GIGYF2: variants seen among roughly 807,000 people sequenced by gnomAD.
GIGYF2 encodes GRB10-interacting GYF protein 2.
Under a neutral mutation model 208.1 loss-of-function variants are expected in GIGYF2, and 25 were observed. The observed-to-expected ratio is 0.12, with a 90% confidence interval of 0.09 to 0.17. The LOEUF (loss-of-function observed/expected upper bound fraction) is 0.17, where lower values mean the gene tolerates loss of function less well. Ranked by LOEUF, GIGYF2 falls within the 10% of genes least tolerant of loss-of-function variation. The pLI is 1.00. For synonymous variants in GIGYF2, 534 were observed against 543.8 expected, an observed-to-expected ratio of 0.98 and a Z score of 0.25; for missense variants, 1,302 against 1,579.4, an observed-to-expected ratio of 0.82 and a Z score of 2.98.
rs1395026792 is a variant in GIGYF2 at position 232,716,448 on chromosome 2, G to C, written c.-44+12959G>C. ...GGCTGGAGTGTAGTGGCACGATCTCGGCTCACTGCAACTTCCACCTCCCGC... is the reference window on the plus strand; with the variant it reads ...GGCTGGAGTGTAGTGGCACGATCTCCGCTCACTGCAACTTCCACCTCCCGC... On this transcript the variant is annotated intron_variant, in intron 2 of 28. Coordinates refer to ENST00000373563, the MANE Select transcript of GIGYF2 (RefSeq NM_001103146.3). Among the ~76,000 whole-genome samples, 33 of 141,680 alleles carry C rather than the reference G, an allele frequency of 2.3e-4. 1 individual carries two copies. Among genetic ancestry groups the C allele is most frequent in the Non-Finnish European group, 9.0e-5 (6 of 66,618 alleles). The allele number at this position is 141,680 out of a possible 152,430, so 92.9% of individuals were successfully genotyped here.
At position 232,790,990 on chromosome 2, in the gene GIGYF2, T is replaced by A. The variant is rs758003807; in HGVS notation, c.931-18T>A. 1.2e-6 allele frequency: 2 copies of A among 1,613,950 alleles called. No homozygotes were observed. The highest frequency in any genetic ancestry group is 1.7e-6 in the Non-Finnish European group (2 of 1,179,862). On this transcript the variant is annotated intron_variant, in intron 10 of 28. Coordinates refer to ENST00000373563, the MANE Select transcript of GIGYF2 (RefSeq NM_001103146.3). ...GCCAAATCTGCTGTTGATCTTTGGT[T>A]TTATTCTCTTTCTACAGAAAGTACA...
rs147697542 is a variant in GIGYF2, at chr2:232,713,809, A to G, written c.-44+10320A>G. 6.6e-5 allele frequency among the ~76,000 whole-genome samples: 10 copies of G among 152,312 alleles called. No individual in the cohort carries two copies. The East Asian group carries it at 1.7e-3, about 26-fold the overall frequency. On this transcript the variant is annotated intron_variant, in intron 2 of 28. Coordinates refer to ENST00000373563, the MANE Select transcript of GIGYF2 (RefSeq NM_001103146.3). ...TATGGATTTTTAGAGGAAGATGACA[A>G]AGTGTCATTTTCATCATATTAAGAG... is the stretch of plus-strand genomic sequence containing the variant.
At chr2:232,776,523 ATTT>A in intron 8 of GIGYF2, 1 of 1,055,628 alleles carries the variant, frequency 9.5e-7, no homozygotes, top group Non-Finnish European at 1.5e-6. Flanking sequence ...TGATCAGATA[ATTT>A]TAATCTACAA....
In GIGYF2 at chr2:232,786,472, C is replaced by T. The variant is rs185979494; in HGVS notation, c.533-678C>T. On this transcript the variant is annotated intron_variant, in intron 8 of 28. Transcript: ENST00000373563. The stretch of plus-strand genomic sequence containing the variant: ...AGGCTGGTCTCCCAACTCCTGACCT[C>T]GTGATCCACCTGTCTCGGCCTCCCA... Among the ~76,000 whole-genome samples the T allele has an allele frequency of 3.3e-5, 5 of 152,248 alleles. No homozygotes were observed. The South Asian group carries it at 6.2e-4, about 19-fold the overall frequency.
intron 2 of GIGYF2, among the ~76,000 whole-genome samples, chr2:232,731,969 A>G (rs1230409848): frequency 6.6e-6 from 1 of 152,224 alleles, no homozygotes; most frequent in Admixed American, 6.5e-5. Flanking sequence ...GAAAATGAAA[A>G]TAGAAGTAAA....
At chr2:232,826,947 A>G (rs1701263573) in intron 21 of GIGYF2, among the ~76,000 whole-genome samples, 1 of 152,208 alleles carries the variant, frequency 6.6e-6, no homozygotes, top group South Asian at 2.1e-4. Flanking sequence ...AAAAGAATAC[A>G]ACTCCTGAAA....
Position 232,747,671 on chromosome 2 carries a change from T to G in GIGYF2, c.98T>G (p.Leu33Trp). The G allele has an allele frequency of 1.9e-6, 3 of 1,613,886 alleles. No homozygotes were observed. The highest frequency in any genetic ancestry group is 2.5e-6 in the Non-Finnish European group (3 of 1,179,788). The change falls in exon 4 of 29, where the codon TTG becomes TGG. Residue 33 changes from leucine to tryptophan, a missense_variant. By Grantham distance (61) the Leu-to-Trp change is moderately conservative (BLOSUM62 -2). Around this residue, in one of 8 missense-constraint regions of GIGYF2, gnomAD observed 27 missense variants for 59.5 expected, o/e 0.45. Coordinates refer to ENST00000373563, the MANE Select transcript of GIGYF2 (RefSeq NM_001103146.3). The stretch of plus-strand genomic sequence containing the variant: ...ACATCCCCTCCTCTTTCTCCAGCAT[T>G]GCCGAAGTATAAATTAGCAGATTAT... Reference protein sequence around the residue: ...SITSPPLSPALPKYKLADYRY... With the variant: ...SITSPPLSPAWPKYKLADYRY...
chr2:232,763,303 T>C (rs546888436), intron 8 of GIGYF2, among the ~76,000 whole-genome samples: 11 of 152,276 alleles, frequency 7.2e-5, no homozygotes, highest in Non-Finnish European at 1.0e-4. Flanking sequence ...GATAATGCCT[T>C]ACAGAATTTT....
intron 1 of GIGYF2, among the ~76,000 whole-genome samples, chr2:232,700,205 A>G (rs548102513): frequency 1.3e-5 from 2 of 152,224 alleles, no homozygotes; most frequent in Middle Eastern, 3.2e-3. Flanking sequence ...AGGGAGGCAT[A>G]GTGATGGTAG....
intron 2 of GIGYF2, among the ~76,000 whole-genome samples, chr2:232,725,742 T>C (rs570199441): frequency 1.3e-5 from 2 of 152,346 alleles, no homozygotes; most frequent in South Asian, 4.1e-4. Flanking sequence ...TTTATTAGAC[T>C]GGCGCCTTGA....
At chr2:232,766,869 A>C (rs1186459884) in intron 8 of GIGYF2, 1 of 152,218 alleles carries the variant, frequency 6.6e-6, no homozygotes, top group Non-Finnish European at 1.5e-5. Context: ...TTTTTCCCAC[A>C]GAAACCTGAA....
chr2:232,774,404 C>T (rs1559421479), intron 8 of GIGYF2, among the ~76,000 whole-genome samples: 1 of 152,110 alleles, frequency 6.6e-6, no homozygotes, highest in Non-Finnish European at 1.5e-5. Context: ...AAGATTATCA[C>T]AGTCTGAATT....
At chr2:232,721,832 A>G (rs1469774303) in intron 2 of GIGYF2, among the ~76,000 whole-genome samples, 1 of 152,088 alleles carries the variant, frequency 6.6e-6, no homozygotes, top group Non-Finnish European at 1.5e-5. Context: ...GTTACTTTAG[A>G]GTCTATGTAG....
intron 21 of GIGYF2, among the ~76,000 whole-genome samples, chr2:232,821,472 A>G (rs1022354339): frequency 1.3e-5 from 2 of 152,208 alleles, no homozygotes; most frequent in Non-Finnish European, 2.9e-5. Context: ...GTGTTGAGGT[A>G]GAGGCATGAG....
intron 14 of GIGYF2, among the ~76,000 whole-genome samples, chr2:232,804,359 A>G (rs1700491035): frequency 6.8e-6 from 1 of 146,230 alleles, no homozygotes; most frequent in Admixed American, 6.8e-5. Context: ...CTGTACATGT[A>G]GATTTACATC....
intron 2 of GIGYF2, among the ~76,000 whole-genome samples, chr2:232,731,417 C>G (rs1697490346): frequency 6.6e-6 from 1 of 152,164 alleles, no homozygotes; most frequent in Non-Finnish European, 1.5e-5. Context: ...ATTCAATGCT[C>G]TAAAATCCTC....
Position 232,853,819 on chromosome 2 carries a change from C to T in GIGYF2, c.3833-2974C>T, listed in dbSNP as rs1024733034. Among the ~76,000 whole-genome samples, 7 of 152,168 alleles carry T rather than the reference C, an allele frequency of 4.6e-5. No homozygotes were observed. In the South Asian group the frequency reaches 1.2e-3, roughly 27 times the overall value. On this transcript the variant is annotated intron_variant, in intron 28 of 28. Transcript: ENST00000373563. ...GGTTTCACAGTACCCAGAACTTTCC[C>T]TTACATCAAATGGCTGAATTTGATA...
At chr2:232,851,073 C>T (rs1302590457) in intron 28 of GIGYF2, among the ~76,000 whole-genome samples, 2 of 152,078 alleles carry the variant, frequency 1.3e-5, no homozygotes, top group South Asian at 4.1e-4. Flanking sequence ...CACGGTGGCT[C>T]ACTTTGGGAA....
chr2:232,836,322 ATATATATACATATATATACTTATATATTT>A (rs1484649356), intron 22 of GIGYF2, among the ~76,000 whole-genome samples: 1,122 of 25,910 alleles, frequency 0.043, 91 homozygotes, highest in East Asian at 0.18. Context: ...ATATATATAT[ATATATATACATATATATACTTATATATTT>A]ATATATATAA....
Sources: allele counts gnomAD v4.1 joint callset (sites outside exome capture counted in the v4.1 genomes callset), GRCh38; gene constraint gnomAD v4.1.1; regional missense constraint gnomAD v4.1.1; transcripts MANE v1.5; gene names NCBI Gene and HGNC (gene_info 2026-07-23, HGNC 2026-07-21).